The following ARRB1 variants were observed in gnomAD, a reference collection of about 807,000 sequenced individuals.
ARRB1 encodes the protein beta-arrestin-1.
ARRB1 carries 21 observed loss-of-function variants against 56.8 expected under a neutral mutation model. The observed-to-expected ratio is 0.37, with a 90% confidence interval of 0.26 to 0.53. ARRB1 has a LOEUF of 0.53. ARRB1 is among the 20% of genes least tolerant of loss of function. The pLI is 0.88. For missense variants in ARRB1, 424 were observed against 553.7 expected (o/e 0.77, Z 2.35); for synonymous variants, 210 against 218.6 (o/e 0.96, Z 0.35).
Position 75,281,156 on chromosome 11 carries a change from G to T in ARRB1, c.415-14C>A, listed in dbSNP as rs1305106234. 9 of 1,588,822 alleles carry T rather than the reference G, an allele frequency of 5.7e-6. No individual in the cohort carries two copies. Among genetic ancestry groups the T allele is most frequent in the Non-Finnish European group, 7.7e-6 (9 of 1,166,618 alleles). On this transcript the variant is annotated splice_polypyrimidine_tract_variant and intron_variant, in intron 6 of 15. Transcript: ENST00000420843. Reference sequence around the variant, plus strand: ...CACACCGCAAGCCTGTGGGGAAGGGGTCACTGACCACAGGGCCTTGGAGAA... The same window carrying T: ...CACACCGCAAGCCTGTGGGGAAGGGTTCACTGACCACAGGGCCTTGGAGAA...
At chr11:75,282,220 G>A in intron 5 of ARRB1, 199 bp from the exon 6 acceptor site, 1 of 555,034 alleles carries the variant, frequency 1.8e-6, no homozygotes. Flanking sequence ...AAAGGGTTTG[G>A]CCCAGCCCAG....
intron 1 of ARRB1, among the ~76,000 whole-genome samples, chr11:75,328,615 C>T (rs1947475277): frequency 6.6e-6 from 1 of 152,250 alleles, no homozygotes; most frequent in South Asian, 2.1e-4. Flanking sequence ...TCTGTTACCA[C>T]ATTCTGGGCT....
chr11:75,289,933 T>C, intron 2 of ARRB1, 76 bp downstream of exon 2: 1 of 1,606,270 alleles, frequency 6.2e-7, no homozygotes, highest in Non-Finnish European at 8.5e-7. Context: ...GGACATGCCG[T>C]TTCCTCTGCT....
At chr11:75,335,213 A>G (rs749826580) in intron 1 of ARRB1, 1 of 202,018 alleles carries the variant, frequency 5.0e-6, no homozygotes, top group Admixed American at 5.7e-5. Context: ...CTTCTTCTTG[A>G]TGGGAGTCCC....
intron 1 of ARRB1, among the ~76,000 whole-genome samples, chr11:75,313,225 C>T (rs1264725239): frequency 6.6e-6 from 1 of 152,146 alleles, no homozygotes; most frequent in Non-Finnish European, 1.5e-5. Context: ...GTGGCTCTTG[C>T]CTGTAATCCC....
chr11:75,304,634 G>A (rs539853750), intron 1 of ARRB1, among the ~76,000 whole-genome samples: 9 of 151,666 alleles, frequency 5.9e-5, no homozygotes, highest in Non-Finnish European at 1.2e-4. Flanking sequence ...AGACATTGTG[G>A]GCTGTCATGA....
chr11:75,349,017 G>A (rs746050974), intron 1 of ARRB1, among the ~76,000 whole-genome samples: 5 of 152,210 alleles, frequency 3.3e-5, no homozygotes, highest in African/African-American at 1.2e-4. Flanking sequence ...GGATGGTTGC[G>A]ATGATTCCTG....
chr11:75,269,298 ACC>A (rs138730818), intron 13 of ARRB1: 13 of 410,884 alleles, frequency 3.2e-5, no homozygotes, highest in South Asian at 2.6e-4. Flanking sequence ...GTGCCCTGGG[ACC>A]CCCCCCCACC....
Position 75,351,590 on chromosome 11 carries a change from G to C in ARRB1, c.18C>G (p.Thr6=), listed in dbSNP as rs1473484610. The change falls in exon 1 of 16, where the codon ACC becomes ACG. Residue 6 remains threonine, a splice_region_variant and synonymous_variant. Transcript: ENST00000420843. MGDKG[T]RVFKKASPNG... is the part of the protein sequence containing the mutation. The stretch of plus-strand genomic sequence containing the variant: ...CCGGGCGGCCGCCCTGCACTCACCG[G>C]GTCCCTTTGTCGCCCATGGTCCGCG... 1.1e-5 allele frequency: 16 copies of C among 1,473,558 alleles called. No homozygotes were observed. The highest frequency in any genetic ancestry group is 2.9e-5 in the African/African-American group (2 of 67,828). 91.3% of individuals were successfully genotyped at this position (1,473,558 alleles called of 1,614,324 possible).
intron 1 of ARRB1, among the ~76,000 whole-genome samples, chr11:75,348,314 C>A (rs78757099): frequency 6.6e-6 from 1 of 152,220 alleles, no homozygotes. Context: ...GTAGTTCCAA[C>A]GCCACCTCCT....
Position 75,265,845 on chromosome 11 carries a change from C to G in ARRB1, c.*318G>C, listed in dbSNP as rs1253682652. The stretch of plus-strand genomic sequence containing the variant: ...CCACACCGTGTCCCACATTCCCCAT[C>G]CTCCCCTGTCTGCTCCCCATCTCAA... On this transcript the variant is annotated 3_prime_UTR_variant, in exon 16 of 16. Transcript: ENST00000420843. 5.3e-6 allele frequency: 2 copies of G among 379,512 alleles called. No individual in the cohort carries two copies. Among genetic ancestry groups the G allele is most frequent in the Non-Finnish European group, 9.9e-6 (2 of 201,990 alleles). The allele number at this position is 379,512 out of a possible 1,614,324, so 23.5% of individuals were successfully genotyped here. A position where few individuals can be genotyped will look rare whatever the true frequency, so the allele number is the denominator to read the frequency against.
chr11:75,280,463 A>G (rs1025010940), intron 7 of ARRB1, among the ~76,000 whole-genome samples: 1 of 152,110 alleles, frequency 6.6e-6, no homozygotes, highest in Non-Finnish European at 1.5e-5. Context: ...GGAGGCAGAC[A>G]GAGCACAGCC....
At position 75,332,947 on chromosome 11, in the gene ARRB1, G is replaced by A. The variant is rs1186476352; in HGVS notation, c.20+18641C>T. ...AAGCTCCCCCCAACCCCTGCCCACC[G>A]CTTTGAGTTGTCCCACCTTTCTGAA... is the stretch of plus-strand genomic sequence containing the variant. On this transcript the variant is annotated intron_variant, in intron 1 of 15. Coordinates refer to ENST00000420843, the MANE Select transcript of ARRB1 (RefSeq NM_004041.5). Among the ~76,000 whole-genome samples, 7 of 151,706 alleles carry A rather than the reference G, an allele frequency of 4.6e-5. No homozygotes were observed. In the South Asian group the frequency reaches 1.0e-3, roughly 23 times the overall value.
chr11:75,344,307 CTT>C (rs979408168), intron 1 of ARRB1, among the ~76,000 whole-genome samples: 30 of 152,332 alleles, frequency 2.0e-4, no homozygotes, highest in African/African-American at 7.2e-4. Flanking sequence ...AGGCCTGAGA[CTT>C]TGGCCGCCCA....
chr11:75,341,859 C>G (rs1023950289), intron 1 of ARRB1, among the ~76,000 whole-genome samples: 1 of 152,234 alleles, frequency 6.6e-6, no homozygotes, highest in Non-Finnish European at 1.5e-5. Flanking sequence ...CAACTGTCTT[C>G]CCTTCCCACC....
At chr11:75,301,599 TGGGTA>T (rs923634546) in intron 1 of ARRB1, among the ~76,000 whole-genome samples, 6 of 152,100 alleles carry the variant, frequency 3.9e-5, no homozygotes, top group Non-Finnish European at 7.4e-5. Context: ...ATGGCTCAGC[TGGGTA>T]GGGTGGGGAG....
intron 1 of ARRB1, among the ~76,000 whole-genome samples, chr11:75,327,162 C>A (rs1565141568): frequency 1.3e-5 from 2 of 151,088 alleles, no homozygotes; most frequent in Admixed American, 6.6e-5. Context: ...ATTAGCTGGG[C>A]GCAGTGGCGG....
chr11:75,271,595 A>C, intron 13 of ARRB1, 106 bp downstream of exon 13: 1 of 1,260,454 alleles, frequency 7.9e-7, no homozygotes, highest in Non-Finnish European at 1.1e-6. Flanking sequence ...TGAAATGACC[A>C]CTAAGATTCC....
intron 4 of ARRB1, 145 bp downstream of exon 4, chr11:75,284,090 G>C (rs910622873): frequency 6.4e-6 from 5 of 781,692 alleles, no homozygotes; most frequent in Admixed American, 3.1e-5. Context: ...GCCGTCCCAG[G>C]CTGGAGGAGG....
Sources: gnomAD v4.1 joint callset for allele counts (sites outside exome capture counted in the v4.1 genomes callset) on GRCh38, gnomAD v4.1.1 for gene constraint, MANE v1.5 for transcripts, NCBI Gene and HGNC (gene_info 2026-07-23, HGNC 2026-07-21) for gene names.